Variants in METTL8 observed in about 807,000 individuals in gnomAD.
The protein encoded by METTL8 is methyltransferase 8, tRNA N3-cytidine.
In METTL8, 32 loss-of-function variants were observed where a neutral mutation model predicts 48.7. That is an observed-to-expected ratio of 0.66 (90% CI 0.50 to 0.88). The LOEUF is 0.88. METTL8 is among the 40% of genes least tolerant of loss of function. The probability of loss-of-function intolerance (pLI) is 0.00; values close to 1 mark genes in which losing one functional copy is unlikely to be tolerated. For missense variants in METTL8, 464 were observed against 474.4 expected (o/e 0.98, Z 0.20); for synonymous variants, 136 against 157.1 (o/e 0.87, Z 1.01).
At chr2:171,353,225 T>A (rs907666630) in intron 3 of METTL8, among the ~76,000 whole-genome samples, 4 of 152,236 alleles carry the variant, frequency 2.6e-5, no homozygotes, top group African/African-American at 9.6e-5. Context: ...TTTCATTATG[T>A]ACCCAGTAGT....
At chr2:171,397,363 A>AAAAAC (rs1689180035) in intron 1 of METTL8, among the ~76,000 whole-genome samples, 1 of 146,100 alleles carries the variant, frequency 6.8e-6, no homozygotes, top group Non-Finnish European at 1.5e-5. Flanking sequence ...AAAAAAAAAA[A>AAAAAC]AAAAAAAAAA....
intron 3 of METTL8, among the ~76,000 whole-genome samples, chr2:171,343,129 AT>A (rs772904219): frequency 1.3e-5 from 2 of 152,218 alleles, no homozygotes; most frequent in Admixed American, 6.5e-5. Flanking sequence ...GGGTAACCTT[AT>A]GTAGCAATTT....
chr2:171,410,169 G>A (rs901702291), intron 1 of METTL8, among the ~76,000 whole-genome samples: 1 of 152,078 alleles, frequency 6.6e-6, no homozygotes, highest in South Asian at 2.1e-4. Flanking sequence ...TTATTCCTAC[G>A]CTCATTTGTA....
chr2:171,360,600 G>A (rs963940375), intron 2 of METTL8, 87 bp from the exon 3 acceptor site: 1 of 1,137,246 alleles, frequency 8.8e-7, no homozygotes, highest in South Asian at 1.4e-5. Context: ...TTTCATTCTA[G>A]ATTAGCTGAA....
intron 1 of METTL8, chr2:171,414,558 T>A (rs943422777): frequency 2.0e-5 from 3 of 151,472 alleles, no homozygotes; most frequent in African/African-American, 7.3e-5. Flanking sequence ...GAGACCCCCA[T>A]CTCTACAAAA....
At position 171,321,538 on chromosome 2, in the gene METTL8, T is replaced by A. The variant is rs1193886640; in HGVS notation, c.*2634A>T. The A allele has an allele frequency of 6.6e-6, 1 of 152,200 alleles. No individual in the cohort carries two copies. The highest frequency in any genetic ancestry group is 2.4e-5 in the African/African-American group (1 of 41,456). The allele number at this position is 152,200 out of a possible 1,614,324, so 9.4% of individuals were successfully genotyped here. A position where few individuals can be genotyped will look rare whatever the true frequency, so the allele number is the denominator to read the frequency against. The stretch of plus-strand genomic sequence containing the variant: ...GAACCAATGACTAAAGCTGGACCAA[T>A]GATATTCTTCTAGAAATTGGATTTT... On this transcript the variant is annotated 3_prime_UTR_variant, in exon 10 of 10. Coordinates refer to ENST00000375258, the MANE Select transcript of METTL8 (RefSeq NM_001321154.2).
intron 2 of METTL8, among the ~76,000 whole-genome samples, chr2:171,370,564 G>C (rs1346174235): frequency 6.6e-6 from 1 of 152,070 alleles, no homozygotes; most frequent in Non-Finnish European, 1.5e-5. Context: ...GGCCGAGGTG[G>C]GCAGATCATG....
intron 9 of METTL8, among the ~76,000 whole-genome samples, chr2:171,324,806 A>G (rs1301693297): frequency 1.3e-5 from 2 of 152,216 alleles, no homozygotes; most frequent in African/African-American, 4.8e-5. Context: ...TCACGCCTGT[A>G]ATCCCAGCAC....
chr2:171,356,952 A>ATGTTTTTTTTTTGTTTTTTTTTTTTTTT, intron 3 of METTL8, among the ~76,000 whole-genome samples: 4 of 78,488 alleles, frequency 5.1e-5, no homozygotes, highest in Non-Finnish European at 7.2e-5. Flanking sequence ...CAAAGACAAT[A>ATGTTTTTTTTTTGTTTTTTTTTTTTTTT]TTTTTTTTTT....
chr2:171,372,108 C>T (rs1686423410), intron 2 of METTL8, among the ~76,000 whole-genome samples: 1 of 152,058 alleles, frequency 6.6e-6, no homozygotes, highest in South Asian at 2.1e-4. Context: ...CCACCTGCCT[C>T]ATTAAATATT....
intron 2 of METTL8, among the ~76,000 whole-genome samples, chr2:171,362,590 T>TC (rs1158040442): frequency 1.5e-4 from 22 of 151,082 alleles, no homozygotes; most frequent in African/African-American, 5.3e-4. Context: ...AATAAATAAA[T>TC]AAATAAATAA....
intron 2 of METTL8, among the ~76,000 whole-genome samples, chr2:171,379,396 A>G (rs146110860): frequency 2.0e-5 from 3 of 152,344 alleles, no homozygotes; most frequent in African/African-American, 7.2e-5. Context: ...GAAGGCAAGA[A>G]ATAACTAAGA....
At chr2:171,327,685 G>A (rs1003350453) in intron 7 of METTL8, among the ~76,000 whole-genome samples, 1 of 152,048 alleles carries the variant, frequency 6.6e-6, no homozygotes, top group African/African-American at 2.4e-5. Flanking sequence ...AAAAGGAGGT[G>A]GCATGATTAG....
chr2:171,400,756 C>T (rs1689562141), intron 1 of METTL8, among the ~76,000 whole-genome samples: 1 of 152,114 alleles, frequency 6.6e-6, no homozygotes, highest in Non-Finnish European at 1.5e-5. Context: ...AGTTCCATTG[C>T]TTTTTAAGAT....
Position 171,374,079 on chromosome 2 carries a change from C to T in METTL8, c.144-13566G>A, listed in dbSNP as rs531828399. ...TATAAATTACCTTGAGCAGTATGGC[C>T]ATTTTCACGCTATTGATTCTTCCTA... On this transcript the variant is annotated intron_variant, in intron 2 of 9. Transcript: ENST00000375258. Among the ~76,000 whole-genome samples, 3 of 152,298 alleles carry T rather than the reference C, an allele frequency of 2.0e-5. No homozygotes were observed. In the South Asian group the frequency reaches 6.2e-4, roughly 32 times the overall value.
intron 1 of METTL8, among the ~76,000 whole-genome samples, chr2:171,426,317 A>G (rs956683495): frequency 6.6e-6 from 1 of 152,254 alleles, no homozygotes; most frequent in African/African-American, 2.4e-5. Flanking sequence ...TGAGAAAAAT[A>G]TAGACAAGCT....
chr2:171,400,017 A>G (rs918396614), intron 1 of METTL8, among the ~76,000 whole-genome samples: 1 of 152,080 alleles, frequency 6.6e-6, no homozygotes, highest in African/African-American at 2.4e-5. Flanking sequence ...ACCAATTCCA[A>G]TATCTCTTCC....
chr2:171,396,308 A>C (rs184452670), intron 1 of METTL8, among the ~76,000 whole-genome samples: 1 of 152,192 alleles, frequency 6.6e-6, no homozygotes, highest in African/African-American at 2.4e-5. Context: ...TAAATCCCAA[A>C]GTATTAAAAT....
chr2:171,362,574 T>A (rs1573980983), intron 2 of METTL8, among the ~76,000 whole-genome samples: 1 of 146,612 alleles, frequency 6.8e-6, no homozygotes, highest in Admixed American at 6.7e-5. Context: ...TAAAAATAAA[T>A]AAATAAATAA....
Sources: allele counts gnomAD v4.1 joint callset (sites outside exome capture counted in the v4.1 genomes callset), GRCh38; gene constraint gnomAD v4.1.1; transcripts MANE v1.5; gene names NCBI Gene and HGNC (gene_info 2026-07-23, HGNC 2026-07-21).